TBC1D30: variants seen among roughly 807,000 people sequenced by gnomAD.
TBC1D30 encodes TBC1 domain family member 30.
In TBC1D30, 31 loss-of-function variants were observed where a neutral mutation model predicts 63.2. The observed-to-expected ratio is 0.49, with a 90% CI of 0.37 to 0.66. The LOEUF is 0.66. TBC1D30 is among the 30% of genes least tolerant of loss of function. The probability of loss-of-function intolerance (pLI) is 0.00; values close to 1 mark genes in which losing one functional copy is unlikely to be tolerated. For synonymous variants in TBC1D30, 307 were observed against 361.5 expected, an observed-to-expected ratio of 0.85 and a Z score of 1.71; for missense variants, 810 against 953.6, an observed-to-expected ratio of 0.85 and a Z score of 1.98.
At chr12:64,856,420 G>T (rs1592644282) in intron 8 of TBC1D30, among the ~76,000 whole-genome samples, 2 of 152,246 alleles carry the variant, frequency 1.3e-5, no homozygotes, top group African/African-American at 4.8e-5. Context: ...TAATGCTGTG[G>T]TTTTTGCAGA....
intron 2 of TBC1D30, among the ~76,000 whole-genome samples, chr12:64,799,041 TTGACCTCG>T (rs1191534893): frequency 6.6e-6 from 1 of 151,950 alleles, no homozygotes; most frequent in Non-Finnish European, 1.5e-5. Context: ...TCTTGACCTC[TTGACCTCG>T]TGACCTGCCC....
At chr12:64,864,835 T>A in intron 9 of TBC1D30, 55 bp downstream of exon 9, 2 of 1,219,388 alleles carry the variant, frequency 1.6e-6, no homozygotes, top group South Asian at 1.4e-5. Context: ...ATATCTTAAT[T>A]TGTTATTGTA....
upstream of TBC1D30, among the ~76,000 whole-genome samples, chr12:64,821,913 A>G (rs376747733): frequency 2.6e-5 from 4 of 152,224 alleles, no homozygotes; most frequent in Non-Finnish European, 5.9e-5. Context: ...GCCTTTTCAA[A>G]GAGTACTGCC....
rs934765299 is a variant in TBC1D30 at position 64,843,578 on chromosome 12, G to A, written c.1038+93G>A. 10 of 898,118 alleles carry A rather than the reference G, an allele frequency of 1.1e-5. No individual in the cohort carries two copies. In the African/African-American group the frequency reaches 1.3e-4, roughly 12 times the overall value. 55.6% of individuals were successfully genotyped at this position (898,118 alleles called of 1,614,324 possible). On this transcript the variant is annotated intron_variant, in intron 8 of 11. Transcript: ENST00000539867. ...AGCAGCGGTCTTGAGAAATGTGCTT[G>A]GTTAGCTGTCAGACTTAGTTTCTCA...
intron 2 of TBC1D30, chr12:64,818,630 G>A (rs1873697705): frequency 6.5e-6 from 1 of 153,568 alleles, no homozygotes; most frequent in African/African-American, 2.4e-5. Context: ...GTAGAGACGG[G>A]GTTTCACCAT....
At chr12:64,852,182 A>G (rs1465702088) in intron 8 of TBC1D30, among the ~76,000 whole-genome samples, 2 of 152,130 alleles carry the variant, frequency 1.3e-5, no homozygotes, top group Admixed American at 6.6e-5. Flanking sequence ...GTCTTTTTAC[A>G]TAGTCCCATA....
intron 7 of TBC1D30, among the ~76,000 whole-genome samples, chr12:64,842,251 C>T (rs960434536): frequency 7.2e-5 from 11 of 152,018 alleles, no homozygotes; most frequent in African/African-American, 7.3e-5. Context: ...CTCAACTACT[C>T]GGGAGGCTGA....
chr12:64,832,035 G>A (rs1323692478), intron 4 of TBC1D30, 84 bp from the exon 5 acceptor site: 17 of 1,304,298 alleles, frequency 1.3e-5, no homozygotes, highest in African/African-American at 1.5e-5. Context: ...ATTTGACTCT[G>A]TTTATTGAGT....
intron 1 of TBC1D30, among the ~76,000 whole-genome samples, chr12:64,770,500 C>T (rs965693944): frequency 5.3e-5 from 8 of 152,166 alleles, no homozygotes; most frequent in Non-Finnish European, 1.0e-4. Context: ...TGCTTCTCAG[C>T]TATTGCTGCT....
chr12:64,830,772 G>A (rs113030701), intron 4 of TBC1D30, among the ~76,000 whole-genome samples: 4,618 of 152,264 alleles, frequency 0.03, 216 homozygotes, highest in African/African-American at 0.11. Context: ...TAGGAAGGAC[G>A]CTTTGTCATG....
At chr12:64,840,114 TTTA>T (rs1425144643) in intron 7 of TBC1D30, among the ~76,000 whole-genome samples, 3 of 152,202 alleles carry the variant, frequency 2.0e-5, no homozygotes, top group African/African-American at 7.2e-5. Flanking sequence ...TTGCCTTGGT[TTTA>T]TTGTACATTG....
At chr12:64,816,756 CTCTT>C (rs151040984) in intron 2 of TBC1D30, among the ~76,000 whole-genome samples, 143 of 152,082 alleles carry the variant, frequency 9.4e-4, no homozygotes, top group Non-Finnish European at 1.8e-3. Flanking sequence ...CTTTTCTTTT[CTCTT>C]TCTTTCTCTT....
intron 11 of TBC1D30, among the ~76,000 whole-genome samples, chr12:64,871,035 TTGA>T (rs1878617432): frequency 6.6e-6 from 1 of 152,236 alleles, no homozygotes; most frequent in African/African-American, 2.4e-5. Context: ...GACCAGGCAG[TTGA>T]TGGTATTAAA....
At chr12:64,801,268 T>C (rs565317133) in intron 2 of TBC1D30, among the ~76,000 whole-genome samples, 39 of 152,296 alleles carry the variant, frequency 2.6e-4, no homozygotes, top group African/African-American at 9.1e-4. Context: ...GTGTGTGAGA[T>C]GAATGGATAG....
At chr12:64,815,872 G>A (rs748393058) in intron 2 of TBC1D30, among the ~76,000 whole-genome samples, 1 of 150,948 alleles carries the variant, frequency 6.6e-6, no homozygotes, top group East Asian at 1.9e-4. Context: ...CTGCAACCTC[G>A]ACCTCCTGGG....
rs1186043573 is a variant in TBC1D30 at position 64,875,419 on chromosome 12, G to C, written c.1917G>C (p.Glu639Asp). 1.0e-5 allele frequency: 16 copies of C among 1,536,094 alleles called. No individual in the cohort carries two copies. Among genetic ancestry groups the C allele is most frequent in the Non-Finnish European group, 1.4e-5 (16 of 1,146,938 alleles). The change falls in exon 12 of 12, where the codon GAG (glutamate) becomes GAC (aspartate). Residue 639 changes from glutamate (E) to aspartate (D), a missense_variant. Physicochemically the swap from Glu to Asp is conservative, Grantham distance 45. Around this residue, in one of 4 missense-constraint regions of TBC1D30, gnomAD observed 450 missense variants for 473.0 expected, o/e 0.95. Transcript: ENST00000539867. ...GGACGATCGAGGGGCAGTCTCCGGAGCCGGTGTTCGGAGATGCTGATGTGG... is the reference window on the plus strand; with the variant it reads ...GGACGATCGAGGGGCAGTCTCCGGACCCGGTGTTCGGAGATGCTGATGTGG... Reference protein sequence around the residue: ...TRRTIEGQSPEPVFGDADVDV... With the variant: ...TRRTIEGQSPDPVFGDADVDV...
rs73121460 is a variant in TBC1D30 at position 64,789,088 on chromosome 12, A to G, written c.643+3043A>G. On this transcript the variant is annotated intron_variant, in intron 2 of 12. Coordinates refer to the TBC1D30 transcript ENST00000542120. The stretch of plus-strand genomic sequence containing the variant: ...TGACTTTCTTGTATTTAGTTTGCAG[A>G]AGTTCAGATAATCCCCATTTTGGCC... Among the ~76,000 whole-genome samples the G allele has an allele frequency of 8.8e-3, 1,332 of 152,202 alleles. 7 individuals carry two copies. Among genetic ancestry groups the G allele is most frequent in the Non-Finnish European group, 0.014 (984 of 67,998 alleles).
intron 10 of TBC1D30, 35 bp from the exon 11 acceptor site, chr12:64,870,567 C>A: frequency 2.0e-6 from 3 of 1,512,764 alleles, no homozygotes; most frequent in Non-Finnish European, 2.7e-6. Flanking sequence ...TCCCCTCCAC[C>A]GACCATCTCC....
chr12:64,781,424 C>T, intron 1 of TBC1D30: 1 of 869,714 alleles, frequency 1.1e-6, no homozygotes, highest in Non-Finnish European at 1.4e-6. Flanking sequence ...GACGGTGGTA[C>T]CCACCGTGGC....
Sources: gnomAD v4.1 joint callset for allele counts (sites outside exome capture counted in the v4.1 genomes callset) on GRCh38, gnomAD v4.1.1 for gene constraint, gnomAD v4.1.1 regional missense constraint, MANE v1.5 for transcripts, NCBI Gene and HGNC (gene_info 2026-07-23, HGNC 2026-07-21) for gene names.